SLC35A1: variants seen among roughly 807,000 people sequenced by gnomAD.
The protein encoded by SLC35A1 is solute carrier family 35 member A1, also known as CMP-sialic acid transporter.
SLC35A1 carries 21 observed loss-of-function variants against 40.3 expected under a neutral mutation model. The ratio of observed to expected loss-of-function variants is 0.52; its 90% confidence interval spans 0.37 to 0.75. The LOEUF is 0.75. Among genes scored for constraint, SLC35A1 ranks in the 30% least tolerant of loss-of-function variants. SLC35A1 has a pLI of 0.00. For synonymous variants in SLC35A1, 146 were observed against 147.3 expected, an observed-to-expected ratio of 0.99 and a Z score of 0.06; for missense variants, 297 against 382.1, an observed-to-expected ratio of 0.78 and a Z score of 1.86.
chr6:87,477,687 T>C (rs927363411), intron 2 of SLC35A1, 148 bp downstream of exon 2: 4 of 695,094 alleles, frequency 5.8e-6, no homozygotes, highest in Non-Finnish European at 1.0e-5. Context: ...GAAGATTTTT[T>C]AGTTGTCACA....
rs535696312 is a variant in SLC35A1 at position 87,484,137 on chromosome 6, G to A, written c.194+6598G>A. Among the ~76,000 whole-genome samples the A allele has an allele frequency of 8.3e-4, 126 of 152,230 alleles. 1 individual carries two copies. The highest frequency in any genetic ancestry group is 6.8e-3 in the Middle Eastern group (2 of 294). ...GGTATGTGAGGATCCTTTACCTCAG[G>A]TTGCCAGCCGGTTTGGTTTCTTTCT... is the stretch of plus-strand genomic sequence containing the variant. On this transcript the variant is annotated intron_variant, in intron 2 of 7. Transcript: ENST00000369552.
chr6:87,500,585 T>C lies in SLC35A1; in HGVS notation c.272T>C (p.Leu91Ser), dbSNP rs1769887060. The C allele has an allele frequency of 6.2e-7, 1 of 1,614,016 alleles. No homozygotes were observed. Among genetic ancestry groups the C allele is most frequent in the Admixed American group, 1.7e-5 (1 of 60,000 alleles). The change falls in exon 3 of 8, where the codon TTA (leucine) becomes TCA (serine). Residue 91 changes from leucine to serine, a missense_variant. Coordinates refer to ENST00000369552, the MANE Select transcript of SLC35A1 (RefSeq NM_006416.5). ...VLGSPKELLK[L>S]SVPSLVYAVQ... Reference sequence around the variant, plus strand: ...GGGAGCCCCAAGGAACTGTTGAAGTTAAGTGTGCCATCGTTAGTGTATGCT... The same window carrying C: ...GGGAGCCCCAAGGAACTGTTGAAGTCAAGTGTGCCATCGTTAGTGTATGCT...
In SLC35A1 at chr6:87,508,668, C is replaced by T. The variant is rs778237593; in HGVS notation, c.751+72C>T. 6.8e-6 allele frequency: 8 copies of T among 1,176,272 alleles called. No individual in the cohort carries two copies. The South Asian group carries it at 1.0e-4, about 15-fold the overall frequency. The allele number at this position is 1,176,272 out of a possible 1,614,324, so 72.9% of individuals were successfully genotyped here. On this transcript the variant is annotated intron_variant, in intron 6 of 7. Transcript: ENST00000369552. ...TTTTAAGTTAGATGTCCATTTTAAG[C>T]TGTTATAACATTTTGAAATTAATCC...
chr6:87,483,375 G>A (rs574930082), intron 2 of SLC35A1, among the ~76,000 whole-genome samples: 1 of 152,128 alleles, frequency 6.6e-6, no homozygotes, highest in Admixed American at 6.5e-5. Context: ...GAGAAGAAGC[G>A]AAAGGGGAGT....
At position 87,511,602 on chromosome 6, in the gene SLC35A1, G is replaced by T; in HGVS notation, c.*76G>T. The T allele has an allele frequency of 6.7e-7, 1 of 1,499,202 alleles. No homozygotes were observed. Among genetic ancestry groups the T allele is most frequent in the Non-Finnish European group, 9.3e-7 (1 of 1,076,518 alleles). The allele number at this position is 1,499,202 out of a possible 1,614,324, so 92.9% of individuals were successfully genotyped here. A position where few individuals can be genotyped will look rare whatever the true frequency, so the allele number is the denominator to read the frequency against. ...TAGAGCCTTAAGTCAATCTCAGAAG[G>T]TAGCATAAACAAATAAAAATTAACT... is the stretch of plus-strand genomic sequence containing the variant. On this transcript the variant is annotated 3_prime_UTR_variant, in exon 8 of 8. Transcript: ENST00000369552.
intron 2 of SLC35A1, among the ~76,000 whole-genome samples, chr6:87,491,838 G>A (rs1336535569): frequency 6.6e-6 from 1 of 152,038 alleles, no homozygotes; most frequent in Non-Finnish European, 1.5e-5. Context: ...TTCTTATAAG[G>A]CACTAATTCC....
chr6:87,479,035 T>C (rs989651176), intron 2 of SLC35A1, among the ~76,000 whole-genome samples: 3 of 152,148 alleles, frequency 2.0e-5, no homozygotes, highest in African/African-American at 7.2e-5. Context: ...AAAATGGTTA[T>C]GGCAGAGCAG....
intron 2 of SLC35A1, among the ~76,000 whole-genome samples, chr6:87,490,355 A>G (rs1245291222): frequency 5.3e-5 from 7 of 131,434 alleles, no homozygotes; most frequent in South Asian, 2.4e-4. Context: ...TTTTTTTGAG[A>G]TGGAGTTTTG....
chr6:87,475,003 T>C (rs1057250092), intron 1 of SLC35A1, among the ~76,000 whole-genome samples: 7 of 152,204 alleles, frequency 4.6e-5, no homozygotes, highest in Non-Finnish European at 1.0e-4. Context: ...AATAAAGTAC[T>C]TTTTAGTTTA....
chr6:87,483,856 T>C (rs1769316294), intron 2 of SLC35A1, among the ~76,000 whole-genome samples: 1 of 152,130 alleles, frequency 6.6e-6, no homozygotes, highest in Admixed American at 6.5e-5. Flanking sequence ...AGGCCCTTCT[T>C]AGTGTTGGCG....
At chr6:87,508,342 G>C in intron 5 of SLC35A1, 78 bp from the exon 6 acceptor site, 1 of 926,402 alleles carries the variant, frequency 1.1e-6, no homozygotes, top group South Asian at 1.4e-5. Context: ...TATATCTCTA[G>C]GGTATTGTTC....
intron 7 of SLC35A1, among the ~76,000 whole-genome samples, chr6:87,510,455 T>G (rs148081454): frequency 6.6e-4 from 101 of 152,314 alleles, no homozygotes; most frequent in African/African-American, 2.3e-3. Context: ...TACCTTCTCC[T>G]TTTTTGAAGG....
chr6:87,507,024 T>C (rs1436902721), intron 5 of SLC35A1: 1 of 154,888 alleles, frequency 6.5e-6, no homozygotes, highest in Non-Finnish European at 1.4e-5. Flanking sequence ...GTTGTATGTG[T>C]AGGGACAAGC....
intron 2 of SLC35A1, among the ~76,000 whole-genome samples, chr6:87,497,074 C>T (rs1285758718): frequency 6.6e-6 from 1 of 151,976 alleles, no homozygotes; most frequent in Non-Finnish European, 1.5e-5. Flanking sequence ...ATTATTTACC[C>T]TCTTCTTTAA....
intron 2 of SLC35A1, among the ~76,000 whole-genome samples, chr6:87,481,181 C>T (rs1201776261): frequency 1.3e-5 from 2 of 151,966 alleles, no homozygotes; most frequent in Middle Eastern, 3.4e-3. Flanking sequence ...TTTGGGAGGC[C>T]GAGGCGGGTG....
At chr6:87,483,543 T>A (rs894873278) in intron 2 of SLC35A1, among the ~76,000 whole-genome samples, 1 of 152,162 alleles carries the variant, frequency 6.6e-6, no homozygotes, top group African/African-American at 2.4e-5. Flanking sequence ...TCTTTGAGGT[T>A]CAGCCCCTGA....
intron 2 of SLC35A1, among the ~76,000 whole-genome samples, chr6:87,497,996 T>G (rs1305309042): frequency 6.6e-6 from 1 of 152,008 alleles, no homozygotes; most frequent in East Asian, 1.9e-4. Context: ...CCTGAGTAGC[T>G]GGGATACAGG....
intron 2 of SLC35A1, among the ~76,000 whole-genome samples, chr6:87,491,664 C>A (rs1769556088): frequency 6.6e-6 from 1 of 152,196 alleles, no homozygotes; most frequent in South Asian, 2.1e-4. Context: ...GACCAGTTGG[C>A]TCAAGCAACA....
At chr6:87,473,098 C>A (rs1361513232) in intron 1 of SLC35A1, 79 bp downstream of exon 1, 3 of 421,644 alleles carry the variant, frequency 7.1e-6, no homozygotes, top group Non-Finnish European at 1.3e-5. Flanking sequence ...CAGCCCCTGT[C>A]GGGCAGCGGA....
Sources: gnomAD v4.1 joint callset for allele counts (sites outside exome capture counted in the v4.1 genomes callset) on GRCh38, gnomAD v4.1.1 for gene constraint, MANE v1.5 for transcripts, NCBI Gene and HGNC (gene_info 2026-07-23, HGNC 2026-07-21) for gene names.